NRXN3: variants seen among roughly 807,000 people sequenced by gnomAD.
NRXN3 encodes neurexin 3.
A neutral mutation model predicts 137.6 loss-of-function variants in NRXN3; 32 were observed. The ratio of observed to expected loss-of-function variants is 0.23; its 90% confidence interval spans 0.18 to 0.31. The LOEUF (loss-of-function observed/expected upper bound fraction) is 0.31. Among genes scored for constraint, NRXN3 ranks in the 10% least tolerant of loss-of-function variants. The pLI is 1.00. For missense variants in NRXN3, 1,574 were observed against 2,062.5 expected, an observed-to-expected ratio of 0.76 and a Z score of 4.59; for synonymous variants, 798 against 784.5, an observed-to-expected ratio of 1.02 and a Z score of -0.29.
At chr14:78,863,150 A>G (rs1440795939) in intron 10 of NRXN3, among the ~76,000 whole-genome samples, 1 of 152,148 alleles carries the variant, frequency 6.6e-6, no homozygotes, top group African/African-American at 2.4e-5. Context: ...CTGTGAGTCC[A>G]CAAGTCAGGC....
intron 20 of NRXN3, among the ~76,000 whole-genome samples, chr14:79,838,846 T>G (rs143665412): frequency 8.1e-4 from 124 of 152,316 alleles, no homozygotes; most frequent in Admixed American, 2.5e-3. Flanking sequence ...AGTCTCATTG[T>G]GCACAAAAGA....
chr14:79,177,410 C>G (rs1009199225), intron 15 of NRXN3, among the ~76,000 whole-genome samples: 1 of 152,090 alleles, frequency 6.6e-6, no homozygotes, highest in African/African-American at 2.4e-5. Context: ...TTTATCAGCC[C>G]TCGGAGAAAA....
At chr14:79,697,529 G>A in intron 18 of NRXN3, 101 bp from the exon 19 acceptor site, 1 of 1,284,524 alleles carries the variant, frequency 7.8e-7, no homozygotes, top group Non-Finnish European at 1.1e-6. Flanking sequence ...CCCTTCAATT[G>A]CTCAAGGAAG....
intron 16 of NRXN3, among the ~76,000 whole-genome samples, chr14:79,489,728 T>C (rs2153654374): frequency 1.3e-5 from 2 of 152,030 alleles, no homozygotes; most frequent in African/African-American, 4.8e-5. Context: ...CAGAAGCAAA[T>C]AGATACCCCT....
intron 15 of NRXN3, among the ~76,000 whole-genome samples, chr14:79,087,065 C>G (rs1338539464): frequency 6.6e-6 from 1 of 152,110 alleles, no homozygotes; most frequent in African/African-American, 2.4e-5. Flanking sequence ...CCAGAAGTGG[C>G]CAACCTGAAG....
intron 16 of NRXN3, among the ~76,000 whole-genome samples, chr14:79,628,749 C>T (rs543895564): frequency 8.5e-5 from 13 of 152,280 alleles, no homozygotes; most frequent in African/African-American, 3.1e-4. Context: ...TTTGGCAGCA[C>T]AGTGTATCTT....
intron 16 of NRXN3, among the ~76,000 whole-genome samples, chr14:79,565,650 C>G (rs553401192): frequency 6.6e-6 from 1 of 151,886 alleles, no homozygotes; most frequent in African/African-American, 2.4e-5. Flanking sequence ...TTGCTGACAC[C>G]TATTTGGTTG....
At chr14:79,386,714 A>G (rs566581173) in intron 15 of NRXN3, among the ~76,000 whole-genome samples, 3 of 152,248 alleles carry the variant, frequency 2.0e-5, no homozygotes, top group Admixed American at 2.0e-4. Flanking sequence ...CTACAAGGCT[A>G]CAGTAACCAA....
intron 4 of NRXN3, among the ~76,000 whole-genome samples, chr14:78,437,076 C>A (rs527427485): frequency 6.6e-6 from 1 of 152,200 alleles, no homozygotes; most frequent in South Asian, 2.1e-4. Context: ...ATAATAGCAT[C>A]CCCTTCATGT....
At chr14:78,392,795 C>T (rs893259684) in intron 4 of NRXN3, among the ~76,000 whole-genome samples, 1 of 151,892 alleles carries the variant, frequency 6.6e-6, no homozygotes, top group African/African-American at 2.4e-5. Flanking sequence ...GCAAGAAGAC[C>T]CTTAAAACTA....
At chr14:79,767,020 G>GT (rs2099058258) in intron 19 of NRXN3, among the ~76,000 whole-genome samples, 1 of 152,152 alleles carries the variant, frequency 6.6e-6, no homozygotes, top group South Asian at 2.1e-4. Context: ...TTGCTCACTT[G>GT]TTTTTTGGTT....
At chr14:79,158,463 G>T (rs2060460257) in intron 15 of NRXN3, among the ~76,000 whole-genome samples, 1 of 151,682 alleles carries the variant, frequency 6.6e-6, no homozygotes, top group Non-Finnish European at 1.5e-5. Context: ...CTCAAACAAA[G>T]AAATATTATT....
chr14:78,708,480 T>TA (rs1452839489), intron 6 of NRXN3: 1 of 151,106 alleles, frequency 6.6e-6, no homozygotes, highest in African/African-American at 2.5e-5. Context: ...TTTTAACACT[T>TA]ACTCTTTTCT....
intron 4 of NRXN3, among the ~76,000 whole-genome samples, chr14:78,537,074 C>T (rs1239390778): frequency 2.0e-5 from 3 of 152,160 alleles, no homozygotes; most frequent in Non-Finnish European, 4.4e-5. Context: ...CATACATGTG[C>T]ATATGTCTTT....
intron 15 of NRXN3, among the ~76,000 whole-genome samples, chr14:79,397,603 G>T (rs1322664440): frequency 6.6e-6 from 1 of 152,146 alleles, no homozygotes; most frequent in East Asian, 1.9e-4. Flanking sequence ...AGATGCTTTT[G>T]GTACCTAAGC....
At chr14:78,600,073 T>C (rs1005110680) in intron 4 of NRXN3, among the ~76,000 whole-genome samples, 7 of 152,150 alleles carry the variant, frequency 4.6e-5, no homozygotes, top group South Asian at 4.2e-4. Context: ...GGAGTGCCAA[T>C]TGGGAGGACA....
At chr14:78,753,393 T>C (rs2098652344) in intron 8 of NRXN3, among the ~76,000 whole-genome samples, 1 of 152,254 alleles carries the variant, frequency 6.6e-6, no homozygotes, top group African/African-American at 2.4e-5. Context: ...CTCTGGTTTT[T>C]GGCTATTTAG....
intron 15 of NRXN3, among the ~76,000 whole-genome samples, chr14:79,347,266 TAAAAACTAGA>T (rs2092932962): frequency 6.6e-6 from 1 of 152,068 alleles, no homozygotes; most frequent in Non-Finnish European, 1.5e-5. Flanking sequence ...AAAAATTAAA[TAAAAACTAGA>T]AATAATACTT....
At chr14:78,462,552 C>T (rs757562047) in intron 4 of NRXN3, among the ~76,000 whole-genome samples, 1 of 152,170 alleles carries the variant, frequency 6.6e-6, no homozygotes, top group Non-Finnish European at 1.5e-5. Context: ...ATAATTAAAG[C>T]ATCTGTCTCT....
Sources: gnomAD v4.1 joint callset for allele counts (sites outside exome capture counted in the v4.1 genomes callset) on GRCh38, gnomAD v4.1.1 for gene constraint, MANE v1.5 for transcripts, NCBI Gene and HGNC (gene_info 2026-07-23, HGNC 2026-07-21) for gene names.